FRMPD1: variants seen among roughly 807,000 people sequenced by gnomAD.
The protein encoded by FRMPD1 is FERM and PDZ domain-containing protein 1.
FRMPD1 carries 76 observed loss-of-function variants against 117.8 expected under a neutral mutation model. That is an observed-to-expected ratio of 0.65 (90% confidence interval 0.54 to 0.78). The LOEUF (loss-of-function observed/expected upper bound fraction) is 0.78. FRMPD1 is among the 30% of genes least tolerant of loss of function. FRMPD1 has a pLI of 0.00. For missense variants in FRMPD1, 1,786 were observed against 1,964.5 expected (o/e 0.91, Z 1.72); for synonymous variants, 783 against 770.4 (o/e 1.02, Z -0.27).
the FRMPD1 span, among the ~76,000 whole-genome samples, chr9:37,640,666 TTA>T: frequency 0.12 from 18,887 of 152,168 alleles, 1,214 homozygotes; most frequent in East Asian, 0.18. Context: ...TGAAGTAAGG[TTA>T]TCTTTGTCTG....
intron 2 of FRMPD1, among the ~76,000 whole-genome samples, chr9:37,702,002 T>C (rs552693895): frequency 3.3e-5 from 5 of 152,212 alleles, no homozygotes; most frequent in African/African-American, 7.2e-5. Flanking sequence ...GGATTCTGGC[T>C]TGAGCAATTG....
At chr9:37,661,580 C>G (rs977808619) in intron 1 of FRMPD1, among the ~76,000 whole-genome samples, 1 of 152,164 alleles carries the variant, frequency 6.6e-6, no homozygotes, top group Non-Finnish European at 1.5e-5. Context: ...ATAAAGCCCC[C>G]CAGTGTCCTA....
intron 2 of FRMPD1, among the ~76,000 whole-genome samples, chr9:37,704,655 GAT>G (rs35796066): frequency 0.25 from 37,435 of 149,146 alleles, 5,059 homozygotes; most frequent in South Asian, 0.38. Context: ...GGTTGAGTGA[GAT>G]ATATATATAT....
At chr9:37,665,858 G>A (rs1821144007) in intron 1 of FRMPD1, among the ~76,000 whole-genome samples, 1 of 152,178 alleles carries the variant, frequency 6.6e-6, no homozygotes, top group African/African-American at 2.4e-5. Context: ...GGGCTCAGCA[G>A]TATGCACCTG....
rs543907207 is a variant in FRMPD1 at position 37,689,461 on chromosome 9, A to G, written c.-4-3177A>G. ...CAACAGCCTCTCAGTGAAATTTTCT[A>G]CACAAACACATCAGATAACTTATCC... is the stretch of plus-strand genomic sequence containing the variant. On this transcript the variant is annotated intron_variant, in intron 1 of 15. Coordinates refer to ENST00000377765, the MANE Select transcript of FRMPD1 (RefSeq NM_014907.3). 2.6e-5 allele frequency among the ~76,000 whole-genome samples: 4 copies of G among 152,260 alleles called. No individual in the cohort carries two copies. The East Asian group carries it at 7.7e-4, about 29-fold the overall frequency.
At chr9:37,645,159 T>C in the FRMPD1 span, among the ~76,000 whole-genome samples, 2 of 149,376 alleles carry the variant, frequency 1.3e-5, no homozygotes, top group East Asian at 3.9e-4. Flanking sequence ...GCAGGAGTAA[T>C]AGATGCTGAA....
At chr9:37,634,585 G>A in the FRMPD1 span, among the ~76,000 whole-genome samples, 4 of 152,132 alleles carry the variant, frequency 2.6e-5, no homozygotes, top group African/African-American at 9.7e-5. Flanking sequence ...GCAATGCACA[G>A]CTCTTGTCCT....
At chr9:37,619,314 T>C in the FRMPD1 span, among the ~76,000 whole-genome samples, 2,120 of 152,258 alleles carry the variant, frequency 0.014, 43 homozygotes, top group African/African-American at 0.049. Flanking sequence ...ATACTTGAGG[T>C]CAGAGATCTT....
intron 1 of FRMPD1, among the ~76,000 whole-genome samples, chr9:37,655,301 C>T (rs2119364201): frequency 6.6e-6 from 1 of 152,254 alleles, no homozygotes; most frequent in East Asian, 1.9e-4. Flanking sequence ...CCCCATCTTT[C>T]CATTCTCTCT....
At position 37,746,440 on chromosome 9, in the gene FRMPD1, C is replaced by T. The variant is rs201465819; in HGVS notation, c.4408C>T (p.Leu1470=). The T allele has an allele frequency of 9.9e-6, 16 of 1,613,668 alleles. No individual in the cohort carries two copies. Among genetic ancestry groups the T allele is most frequent in the African/African-American group, 2.7e-5 (2 of 75,066 alleles). Residue 1470 remains leucine (L), a synonymous_variant, in exon 16 of 16, where the codon CTG becomes TTG. Transcript: ENST00000377765. ...CCTCTGCATGGGCTCCCAGAAGCTC[C>T]TGTCGAGCTGTCGGCATGTGATCAG... is the stretch of plus-strand genomic sequence containing the variant. ...SRLCMGSQKL[L]SSCRHVIRMD... is the part of the protein sequence containing the mutation.
At chr9:37,630,546 G>GT in the FRMPD1 span, among the ~76,000 whole-genome samples, 10 of 151,762 alleles carry the variant, frequency 6.6e-5, no homozygotes, top group South Asian at 4.2e-4. Context: ...AGTCCTGGCT[G>GT]TTTTTTTTAT....
the FRMPD1 span, among the ~76,000 whole-genome samples, chr9:37,639,278 C>T: frequency 1.1e-4 from 16 of 152,018 alleles, no homozygotes; most frequent in Non-Finnish European, 1.6e-4. Flanking sequence ...AAAAACTCAG[C>T]TTTGCAAGGG....
At chr9:37,617,080 G>C in the FRMPD1 span, among the ~76,000 whole-genome samples, 1 of 152,224 alleles carries the variant, frequency 6.6e-6, no homozygotes, top group Non-Finnish European at 1.5e-5. Context: ...CTCAGGCCTA[G>C]GTATGTGATT....
chr9:37,713,826 G>A (rs1046454855), intron 5 of FRMPD1, among the ~76,000 whole-genome samples: 1 of 152,126 alleles, frequency 6.6e-6, no homozygotes, highest in Non-Finnish European at 1.5e-5. Flanking sequence ...AAACAATATG[G>A]ATGGATGTCT....
In FRMPD1 at chr9:37,745,548, G is replaced by T. The variant is rs1386979496; in HGVS notation, c.3516G>T (p.Gln1172His). The T allele has an allele frequency of 3.7e-6, 6 of 1,613,988 alleles. No individual in the cohort carries two copies. Among genetic ancestry groups the T allele is most frequent in the Non-Finnish European group, 5.1e-6 (6 of 1,179,994 alleles). The change falls in exon 16 of 16, where the codon CAG (glutamine) becomes CAT (histidine). Residue 1172 changes from glutamine to histidine, a missense_variant. By Grantham distance (24) the Gln-to-His change is conservative. Transcript: ENST00000377765. ...ATGCTCCTGTAACAGGGACCGAGCA[G>T]ATCCCACCACATCCCCCTAGAGACC... is the stretch of plus-strand genomic sequence containing the variant. ...SLDAPVTGTE[Q>H]IPPHPPRDPQ...
At chr9:37,723,023 G>A (rs1823465571) in intron 6 of FRMPD1, among the ~76,000 whole-genome samples, 1 of 152,150 alleles carries the variant, frequency 6.6e-6, no homozygotes, top group South Asian at 2.1e-4. Flanking sequence ...ATAGCCCTAC[G>A]AGAGTGGCAG....
At chr9:37,685,375 G>T (rs1343119203) in intron 1 of FRMPD1, among the ~76,000 whole-genome samples, 7 of 152,116 alleles carry the variant, frequency 4.6e-5, no homozygotes, top group South Asian at 2.1e-4. Context: ...TGGGCGCAGT[G>T]GCTCACGCCT....
rs375357766 is a variant in FRMPD1 at position 37,708,512 on chromosome 9, G to A, written c.362+11G>A. 6.2e-6 allele frequency: 9 copies of A among 1,450,816 alleles called. No individual in the cohort carries two copies. The highest frequency in any genetic ancestry group is 1.4e-5 in the African/African-American group (1 of 71,890). The allele number at this position is 1,450,816 out of a possible 1,614,324, so 89.9% of individuals were successfully genotyped here. ...AGTCGATATTCTCAGGTACTAAATG[G>A]TCTTCCATCATCTACAGAATTGCAC... is the stretch of plus-strand genomic sequence containing the variant. On this transcript the variant is annotated intron_variant, in intron 4 of 15. Transcript: ENST00000377765.
chr9:37,650,495 G>C (rs1180677445), upstream of FRMPD1, among the ~76,000 whole-genome samples: 2 of 152,256 alleles, frequency 1.3e-5, no homozygotes, highest in South Asian at 2.1e-4. Context: ...CCCTTCAGCC[G>C]AACACCTGCG....
Sources: allele counts gnomAD v4.1 joint callset (sites outside exome capture counted in the v4.1 genomes callset), GRCh38; gene constraint gnomAD v4.1.1; transcripts MANE v1.5; gene names NCBI Gene and HGNC (gene_info 2026-07-23, HGNC 2026-07-21).